Variants in PRKCE observed in about 807,000 individuals in gnomAD.
PRKCE encodes protein kinase C epsilon type.
Under a neutral mutation model 85.4 loss-of-function variants are expected in PRKCE, and 16 were observed. The ratio of observed to expected loss-of-function variants is 0.19; its 90% confidence interval spans 0.13 to 0.28. PRKCE has a LOEUF of 0.28. Ranked by LOEUF, PRKCE falls within the 10% of genes least tolerant of loss-of-function variation. The probability of loss-of-function intolerance (pLI) is 1.00; values close to 1 mark genes in which losing one functional copy is unlikely to be tolerated. For synonymous variants in PRKCE, 388 were observed against 371.5 expected (o/e 1.04, Z -0.51); for missense variants, 573 against 975.2 (o/e 0.59, Z 5.49).
chr2:45,887,890 AATC>A (rs1209065103), intron 2 of PRKCE, among the ~76,000 whole-genome samples: 3 of 152,210 alleles, frequency 2.0e-5, no homozygotes, highest in African/African-American at 7.2e-5. Context: ...GCCCAACTGA[AATC>A]ATATCTGGAA....
intron 2 of PRKCE, among the ~76,000 whole-genome samples, chr2:45,850,505 G>C (rs1397715117): frequency 1.3e-5 from 2 of 152,186 alleles, no homozygotes; most frequent in Non-Finnish European, 2.9e-5. Flanking sequence ...ATGTCTTCAT[G>C]ATTTGGCTTA....
intron 2 of PRKCE, among the ~76,000 whole-genome samples, chr2:45,917,895 C>CT (rs1454638490): frequency 1.5e-5 from 2 of 137,684 alleles, no homozygotes; most frequent in Non-Finnish European, 3.2e-5. Flanking sequence ...CCAGTACACC[C>CT]TCCGCAGCCG....
At chr2:45,832,902 A>G (rs1367635859) in intron 1 of PRKCE, among the ~76,000 whole-genome samples, 1 of 152,214 alleles carries the variant, frequency 6.6e-6, no homozygotes, top group African/African-American at 2.4e-5. Context: ...ACACATGTAG[A>G]GTATTCAATA....
At chr2:46,025,896 C>G (rs1035233445) in intron 10 of PRKCE, among the ~76,000 whole-genome samples, 1 of 152,184 alleles carries the variant, frequency 6.6e-6, no homozygotes, top group Non-Finnish European at 1.5e-5. Flanking sequence ...GGAGGGCAAA[C>G]TGACCCATCA....
At chr2:46,061,955 C>T (rs1176955429) in intron 10 of PRKCE, among the ~76,000 whole-genome samples, 2 of 146,452 alleles carry the variant, frequency 1.4e-5, no homozygotes, top group African/African-American at 2.6e-5. Context: ...CTCCCGGGTT[C>T]GGGTTCAAGA....
At chr2:45,937,637 C>A (rs1055316100) in intron 2 of PRKCE, among the ~76,000 whole-genome samples, 1 of 152,070 alleles carries the variant, frequency 6.6e-6, no homozygotes, top group African/African-American at 2.4e-5. Context: ...ATGGTGTGAA[C>A]CCAGGAGGTG....
chr2:45,836,151 C>A (rs184835058), intron 1 of PRKCE, among the ~76,000 whole-genome samples: 1 of 152,322 alleles, frequency 6.6e-6, no homozygotes, highest in East Asian at 1.9e-4. Flanking sequence ...ATGTAGAAAT[C>A]TGTATTGAAT....
At chr2:45,839,074 G>A (rs6733087) in intron 1 of PRKCE, among the ~76,000 whole-genome samples, 69,058 of 151,376 alleles carry the variant, frequency 0.46, 15,952 homozygotes, top group Middle Eastern at 0.56. Context: ...CCACAAGGCC[G>A]CTAAGTTTGC....
chr2:46,037,936 C>T (rs1367553694), intron 10 of PRKCE, among the ~76,000 whole-genome samples: 1 of 152,114 alleles, frequency 6.6e-6, no homozygotes, highest in Non-Finnish European at 1.5e-5. Flanking sequence ...TTTTCTTTAT[C>T]TTAAAAACAT....
intron 11 of PRKCE, among the ~76,000 whole-genome samples, chr2:46,100,956 C>T (rs1216335311): frequency 6.6e-6 from 1 of 152,148 alleles, no homozygotes; most frequent in Admixed American, 6.5e-5. Flanking sequence ...GCAACCTCCG[C>T]CTCCCAGGTT....
At chr2:45,770,410 G>A (rs554236265) in intron 1 of PRKCE, among the ~76,000 whole-genome samples, 5 of 152,256 alleles carry the variant, frequency 3.3e-5, no homozygotes, top group East Asian at 1.9e-4. Context: ...TCATGTTCAC[G>A]TAGACTGTAA....
chr2:46,025,647 C>A (rs1023701227), intron 10 of PRKCE, among the ~76,000 whole-genome samples: 1 of 152,220 alleles, frequency 6.6e-6, no homozygotes, highest in South Asian at 2.1e-4. Flanking sequence ...CCCTCTGTCA[C>A]TCTCTCGCTG....
At chr2:46,171,539 C>G (rs796562214) in intron 14 of PRKCE, among the ~76,000 whole-genome samples, 2 of 152,198 alleles carry the variant, frequency 1.3e-5, no homozygotes, top group East Asian at 3.9e-4. Context: ...ATGCCAGGGG[C>G]ACAGCCTCGG....
intron 13 of PRKCE, among the ~76,000 whole-genome samples, chr2:46,157,998 A>T (rs888176437): frequency 1.3e-5 from 2 of 152,246 alleles, no homozygotes; most frequent in Non-Finnish European, 2.9e-5. Context: ...GCTGTGCCAC[A>T]GTCTCCCTCC....
At chr2:45,873,671 A>G (rs1319013258) in intron 2 of PRKCE, among the ~76,000 whole-genome samples, 4 of 152,172 alleles carry the variant, frequency 2.6e-5, no homozygotes, top group Non-Finnish European at 5.9e-5. Context: ...TGGGCATCCC[A>G]GCTGCCTCCT....
intron 10 of PRKCE, among the ~76,000 whole-genome samples, chr2:46,029,656 A>G (rs1707377002): frequency 6.7e-6 from 1 of 150,328 alleles, no homozygotes; most frequent in African/African-American, 2.5e-5. Context: ...TTGCTTAAAC[A>G]TCAGGGAAAG....
chr2:46,074,424 A>G (rs1006740609), intron 10 of PRKCE, among the ~76,000 whole-genome samples: 4 of 129,090 alleles, frequency 3.1e-5, no homozygotes, highest in Admixed American at 8.3e-5. Flanking sequence ...ACAAACAACA[A>G]CAACCAAAAA....
intron 10 of PRKCE, among the ~76,000 whole-genome samples, chr2:46,074,429 CAA>C (rs11287357): frequency 0.013 from 1,177 of 93,858 alleles, 11 homozygotes; most frequent in African/African-American, 0.033. Flanking sequence ...CAACAACAAC[CAA>C]AAAAAAAAAA....
intron 2 of PRKCE, among the ~76,000 whole-genome samples, chr2:45,909,285 A>G (rs1160728045): frequency 6.6e-6 from 1 of 152,210 alleles, no homozygotes; most frequent in Non-Finnish European, 1.5e-5. Flanking sequence ...GAAGGCTCCA[A>G]TTGGTTTATG....
Sources: allele counts gnomAD v4.1 joint callset (sites outside exome capture counted in the v4.1 genomes callset), GRCh38; gene constraint gnomAD v4.1.1; transcripts MANE v1.5; gene names NCBI Gene and HGNC (gene_info 2026-07-23, HGNC 2026-07-21).